Variants in GAK observed in about 807,000 individuals in gnomAD.
The protein encoded by GAK is cyclin G associated kinase.
In GAK, 79 loss-of-function variants were observed where a neutral mutation model predicts 143.9. That is an observed-to-expected ratio of 0.55 (90% CI 0.46 to 0.66). The LOEUF (loss-of-function observed/expected upper bound fraction) is 0.66. Among genes scored for constraint, GAK ranks in the 30% least tolerant of loss-of-function variants. GAK has a pLI of 0.00. For synonymous variants in GAK, 881 were observed against 765.5 expected, an observed-to-expected ratio of 1.15 and a Z score of -2.49; for missense variants, 1,693 against 1,779.7, an observed-to-expected ratio of 0.95 and a Z score of 0.88.
chr4:855,618 A>G (rs1375960942), intron 24 of GAK, among the ~76,000 whole-genome samples: 2 of 152,202 alleles, frequency 1.3e-5, no homozygotes, highest in Non-Finnish European at 2.9e-5. Context: ...TCCGACAAGT[A>G]CAAGTGGAGA....
rs1366352022 is a variant in GAK at position 867,422 on chromosome 4, C to T, written c.2406G>A (p.Glu802=). The change falls in exon 21 of 28, where the codon GAG becomes GAA. Residue 802 remains glutamate (E), a synonymous_variant. Transcript: ENST00000314167. ...AGGCATTTTCTGCACCAGTCTCTGC[C>T]TCCTTCTCTTCTGCGAAAAGGAAAC... is the stretch of plus-strand genomic sequence containing the variant. ...LHTLDWQEEK[E]AETGAENASS... is the part of the protein sequence containing the mutation. 1 of 1,523,920 alleles carries T rather than the reference C, an allele frequency of 6.6e-7. No individual in the cohort carries two copies. The highest frequency in any genetic ancestry group is 8.8e-7 in the Non-Finnish European group (1 of 1,132,036). The allele number at this position is 1,523,920 out of a possible 1,614,324, so 94.4% of individuals were successfully genotyped here. A position where few individuals can be genotyped will look rare whatever the true frequency, so the allele number is the denominator to read the frequency against.
intron 15 of GAK, among the ~76,000 whole-genome samples, chr4:878,288 G>A (rs751155079): frequency 5.9e-5 from 9 of 152,258 alleles, no homozygotes; most frequent in Non-Finnish European, 1.0e-4. Context: ...ACTCGGGAGG[G>A]CTAAGGCAGG....
intron 2 of GAK, 76 bp downstream of exon 2, chr4:913,531 T>C: frequency 9.0e-7 from 1 of 1,108,876 alleles, no homozygotes. Flanking sequence ...CAGGGACGCA[T>C]CCCTGAAAAG....
chr4:891,731 C>T (rs1194656580), intron 9 of GAK, among the ~76,000 whole-genome samples: 1 of 152,156 alleles, frequency 6.6e-6, no homozygotes, highest in African/African-American at 2.4e-5. Flanking sequence ...GCCCACTGTC[C>T]TCTGTGACCT....
rs1712456228 is a variant in GAK, at chr4:870,940, C to A, written c.2055-36G>T. 7.1e-6 allele frequency: 11 copies of A among 1,552,276 alleles called. No homozygotes were observed. The East Asian group carries it at 2.5e-4, about 35-fold the overall frequency. On this transcript the variant is annotated intron_variant, in intron 18 of 27. Transcript: ENST00000314167. ...AAGTAGACACCACTTAGGAAGGCCACCCAAGTAGTCTGTAAGTCCTTGGAC... is the reference window on the plus strand; with the variant it reads ...AAGTAGACACCACTTAGGAAGGCCAACCAAGTAGTCTGTAAGTCCTTGGAC...
chr4:890,407 G>A, intron 10 of GAK, 125 bp downstream of exon 10: 2 of 644,580 alleles, frequency 3.1e-6, no homozygotes, highest in Non-Finnish European at 5.2e-6. Context: ...TGACCTCACA[G>A]TCATCTCTGG....
chr4:866,908 T>A (rs1751290199), intron 21 of GAK, 48 bp downstream of exon 21: 1 of 1,320,028 alleles, frequency 7.6e-7, no homozygotes, highest in South Asian at 1.5e-5. Context: ...CTCAGCCTCA[T>A]CACTCATCTA....
intron 24 of GAK, among the ~76,000 whole-genome samples, chr4:856,658 T>A (rs1305223048): frequency 2.4e-5 from 1 of 41,876 alleles, no homozygotes; most frequent in Admixed American, 2.0e-4. Context: ...CTGCTCACCA[T>A]AGCTCACCAC....
chr4:876,397 C>G (rs1713882926), intron 18 of GAK, 133 bp downstream of exon 18: 1 of 740,954 alleles, frequency 1.3e-6, no homozygotes, highest in Non-Finnish European at 2.3e-6. Flanking sequence ...GGCCCAGGAA[C>G]AGGCCCAGAG....
At chr4:890,203 G>A (rs1355653019) in intron 10 of GAK, among the ~76,000 whole-genome samples, 2 of 152,188 alleles carry the variant, frequency 1.3e-5, no homozygotes, top group African/African-American at 4.8e-5. Flanking sequence ...GGCGCAGGCT[G>A]CCTCCCACAT....
At chr4:913,092 G>A (rs1014078987) in intron 2 of GAK, among the ~76,000 whole-genome samples, 5 of 151,874 alleles carry the variant, frequency 3.3e-5, no homozygotes, top group Admixed American at 6.5e-5. Flanking sequence ...CTGCAGACAC[G>A]GGGGCAGCAG....
intron 17 of GAK, 29 bp downstream of exon 17, chr4:877,061 A>G: frequency 3.4e-6 from 5 of 1,470,072 alleles, no homozygotes; most frequent in Non-Finnish European, 3.8e-6. Context: ...GTGAGTGGGG[A>G]GCACCGGGCA....
intron 13 of GAK, 83 bp from the exon 14 acceptor site, chr4:882,902 A>C (rs1715450785): frequency 1.3e-6 from 2 of 1,542,150 alleles, no homozygotes; most frequent in South Asian, 1.2e-5. Context: ...GCCTGCCTGC[A>C]GTGCGGGGGC....
chr4:916,911 T>C (rs1338356116), intron 1 of GAK, among the ~76,000 whole-genome samples: 1 of 152,168 alleles, frequency 6.6e-6, no homozygotes, highest in Non-Finnish European at 1.5e-5. Flanking sequence ...TCATGTGCAA[T>C]AGCCTAAAAA....
intron 9 of GAK, 111 bp downstream of exon 9, chr4:893,266 A>T: frequency 1.5e-6 from 1 of 676,992 alleles, no homozygotes; most frequent in Non-Finnish European, 2.3e-6. Context: ...TCCCTTCTGC[A>T]GGGGATCTGG....
chr4:858,197 T>G (rs1003467806), intron 24 of GAK, among the ~76,000 whole-genome samples: 1 of 152,214 alleles, frequency 6.6e-6, no homozygotes, highest in Non-Finnish European at 1.5e-5. Flanking sequence ...CCCTTCTACA[T>G]CCTTGCAGCC....
chr4:888,630 C>T (rs113181770), intron 11 of GAK: 48 of 573,986 alleles, frequency 8.4e-5, no homozygotes, highest in Admixed American at 4.7e-4. Flanking sequence ...CAGGGCCTTG[C>T]CCCCCAGGCG....
At chr4:856,704 T>TTGCTCACCACCACAGCTGCTCACCACAGC (rs1749355843) in intron 24 of GAK, among the ~76,000 whole-genome samples, 1 of 89,744 alleles carries the variant, frequency 1.1e-5, no homozygotes, top group African/African-American at 4.8e-5. Context: ...CTGCCCACAT[T>TTGCTCACCACCACAGCTGCTCACCACAGC]TGCTCACCAC....
intron 18 of GAK, 89 bp from the exon 19 acceptor site, chr4:870,993 A>G (rs1250821818): frequency 8.4e-6 from 10 of 1,194,442 alleles, no homozygotes; most frequent in Non-Finnish European, 1.2e-5. Flanking sequence ...GCATGGAAAC[A>G]GGTGGCAGCT....
Sources: gnomAD v4.1 joint callset for allele counts (sites outside exome capture counted in the v4.1 genomes callset) on GRCh38, gnomAD v4.1.1 for gene constraint, MANE v1.5 for transcripts, NCBI Gene and HGNC (gene_info 2026-07-23, HGNC 2026-07-21) for gene names.